Variants in PHACTR1 observed in about 807,000 individuals in gnomAD.
PHACTR1 encodes the protein RPEL repeat containing 1.
Under a neutral mutation model 69.2 loss-of-function variants are expected in PHACTR1, and 16 were observed. That is an observed-to-expected ratio of 0.23 (90% CI 0.16 to 0.35). The LOEUF (loss-of-function observed/expected upper bound fraction) is 0.35. Among genes scored for constraint, PHACTR1 ranks in the 10% least tolerant of loss-of-function variants. PHACTR1 has a pLI of 1.00. For missense variants in PHACTR1, 510 were observed against 734.7 expected (o/e 0.69, Z 3.54); for synonymous variants, 312 against 284.5 (o/e 1.10, Z -0.97).
At chr6:13,191,077 C>T (rs765350925) in intron 7 of PHACTR1, among the ~76,000 whole-genome samples, 40 of 152,098 alleles carry the variant, frequency 2.6e-4, no homozygotes, top group Non-Finnish European at 3.7e-4. Flanking sequence ...GCTCTCTCTC[C>T]CCCATTGATC....
At chr6:13,017,357 C>T (rs1021958897) in intron 4 of PHACTR1, among the ~76,000 whole-genome samples, 3 of 151,936 alleles carry the variant, frequency 2.0e-5, no homozygotes, top group African/African-American at 2.4e-5. Context: ...GTGATGTATA[C>T]ATGTGCAGTC....
chr6:12,933,412 G>A (rs1194129522), intron 4 of PHACTR1, among the ~76,000 whole-genome samples: 1 of 151,980 alleles, frequency 6.6e-6, no homozygotes, highest in African/African-American at 2.4e-5. Flanking sequence ...ATGTTTAAAG[G>A]GATAATTTTA....
chr6:13,098,877 C>T (rs924457526), intron 5 of PHACTR1, among the ~76,000 whole-genome samples: 3 of 152,212 alleles, frequency 2.0e-5, no homozygotes, highest in Non-Finnish European at 4.4e-5. Context: ...ACAACAGCCT[C>T]CTATCATCTT....
chr6:13,051,394 C>G (rs1320373583), intron 4 of PHACTR1, among the ~76,000 whole-genome samples: 1 of 152,180 alleles, frequency 6.6e-6, no homozygotes, highest in Non-Finnish European at 1.5e-5. Context: ...TTTTCCTTGT[C>G]CCTCTGCTCA....
At chr6:13,200,367 C>T (rs1337055337) in intron 7 of PHACTR1, among the ~76,000 whole-genome samples, 4 of 152,028 alleles carry the variant, frequency 2.6e-5, no homozygotes, top group African/African-American at 7.2e-5. Context: ...CGTGCCACCA[C>T]GCCCAGCTAA....
chr6:13,278,210 G>A lies in PHACTR1; in HGVS notation c.1448-58G>A, dbSNP rs1356044687. On this transcript the variant is annotated intron_variant, in intron 11 of 14. Transcript: ENST00000332995. ...TAGAGCCTGCCAAGGTCCAAAGGAT[G>A]CACCTGTACACAACACTGTTTACTG... 2.0e-6 allele frequency: 3 copies of A among 1,506,812 alleles called. No homozygotes were observed. In the African/African-American group the frequency reaches 4.2e-5, roughly 21 times the overall value. The allele number at this position is 1,506,812 out of a possible 1,614,324, so 93.3% of individuals were successfully genotyped here.
chr6:13,057,646 T>G (rs1224458840), intron 5 of PHACTR1, among the ~76,000 whole-genome samples: 2 of 152,208 alleles, frequency 1.3e-5, no homozygotes, highest in East Asian at 3.8e-4. Flanking sequence ...ATTACAATAT[T>G]TGATAGTAGA....
intron 7 of PHACTR1, among the ~76,000 whole-genome samples, chr6:13,189,477 C>T (rs1307227579): frequency 6.6e-6 from 1 of 151,956 alleles, no homozygotes; most frequent in East Asian, 1.9e-4. Context: ...CGGCTCACTG[C>T]AGCCTCCACC....
chr6:12,881,661 A>T (rs1020481929), intron 4 of PHACTR1, among the ~76,000 whole-genome samples: 1 of 152,096 alleles, frequency 6.6e-6, no homozygotes, highest in African/African-American at 2.4e-5. Context: ...GTGAGCTGCA[A>T]GCAGACAGGA....
intron 4 of PHACTR1, among the ~76,000 whole-genome samples, chr6:12,969,758 T>TG (rs1254465703): frequency 1.3e-5 from 2 of 152,130 alleles, no homozygotes; most frequent in African/African-American, 4.8e-5. Context: ...GGTCAGGAAT[T>TG]GGAGACCAGC....
chr6:12,791,872 G>T (rs1015885226), intron 4 of PHACTR1, among the ~76,000 whole-genome samples: 1 of 152,186 alleles, frequency 6.6e-6, no homozygotes, highest in African/African-American at 2.4e-5. Context: ...TTGCACCATA[G>T]TGGGGAAAGC....
chr6:12,834,907 GT>G (rs150503442), intron 4 of PHACTR1, among the ~76,000 whole-genome samples: 52,141 of 151,976 alleles, frequency 0.34, 11,066 homozygotes, highest in East Asian at 0.47. Flanking sequence ...ACTATCAGTG[GT>G]GGAAGCATCT....
intron 4 of PHACTR1, among the ~76,000 whole-genome samples, chr6:12,926,400 T>C (rs1008940304): frequency 6.6e-6 from 1 of 152,222 alleles, no homozygotes; most frequent in Non-Finnish European, 1.5e-5. Flanking sequence ...TGGCTTCAGT[T>C]CTACCCTGTT....
chr6:13,073,225 C>CAAAA (rs58555118), intron 5 of PHACTR1, among the ~76,000 whole-genome samples: 21,207 of 119,482 alleles, frequency 0.18, 2,104 homozygotes, highest in South Asian at 0.4. Flanking sequence ...ACAGGATTAA[C>CAAAA]AAAAAAAAAA....
chr6:13,258,310 G>A (rs964082475), intron 10 of PHACTR1, among the ~76,000 whole-genome samples: 6 of 150,732 alleles, frequency 4.0e-5, no homozygotes, highest in African/African-American at 9.7e-5. Context: ...AGCTGAGATC[G>A]CGCCACTGCA....
At chr6:13,048,553 T>TGTGTGTGA (rs777967292) in intron 4 of PHACTR1, among the ~76,000 whole-genome samples, 10 of 151,924 alleles carry the variant, frequency 6.6e-5, no homozygotes, top group Middle Eastern at 3.4e-3. Flanking sequence ...TGTGTGTGTG[T>TGTGTGTGA]GATGGAGTTT....
chr6:12,793,963 C>G (rs562417885), intron 4 of PHACTR1, among the ~76,000 whole-genome samples: 1 of 152,160 alleles, frequency 6.6e-6, no homozygotes, highest in Non-Finnish European at 1.5e-5. Context: ...CCAGGCACTC[C>G]GCTAAGTCCT....
intron 4 of PHACTR1, among the ~76,000 whole-genome samples, chr6:13,037,150 C>G (rs1803438617): frequency 6.6e-6 from 1 of 152,166 alleles, no homozygotes; most frequent in South Asian, 2.1e-4. Flanking sequence ...TGCTTCAGGA[C>G]TCTATCCTCA....
intron 4 of PHACTR1, among the ~76,000 whole-genome samples, chr6:12,936,455 C>T (rs771401265): frequency 2.0e-4 from 31 of 152,164 alleles, no homozygotes; most frequent in Non-Finnish European, 4.0e-4. Flanking sequence ...GTCTTTTGTA[C>T]GCACTGAAAC....
Sources: allele counts gnomAD v4.1 joint callset (sites outside exome capture counted in the v4.1 genomes callset), GRCh38; gene constraint gnomAD v4.1.1; transcripts MANE v1.5; gene names NCBI Gene and HGNC (gene_info 2026-07-23, HGNC 2026-07-21).